Variants in NUDCD3 observed in about 807,000 individuals in gnomAD.
The protein encoded by NUDCD3 is NudC domain containing 3.
Under a neutral mutation model 39.7 loss-of-function variants are expected in NUDCD3, and 13 were observed. That is an observed-to-expected ratio of 0.33 (90% confidence interval 0.21 to 0.52). The LOEUF (loss-of-function observed/expected upper bound fraction) is 0.52, where lower values mean the gene tolerates loss of function less well. Ranked by LOEUF, NUDCD3 falls within the 20% of genes least tolerant of loss-of-function variation. The pLI, the probability that NUDCD3 is intolerant of heterozygous loss-of-function variation, is 0.96. For synonymous variants in NUDCD3, 175 were observed against 172.4 expected, an observed-to-expected ratio of 1.02 and a Z score of -0.12; for missense variants, 453 against 458.1, an observed-to-expected ratio of 0.99 and a Z score of 0.10.
intron 5 of NUDCD3, among the ~76,000 whole-genome samples, chr7:44,388,021 T>C (rs1464104530): frequency 1.3e-5 from 2 of 152,244 alleles, no homozygotes; most frequent in East Asian, 3.9e-4. Context: ...AAAATTAAAT[T>C]AGGGAAAAGA....
chr7:44,441,991 T>C (rs1027943970), intron 2 of NUDCD3, among the ~76,000 whole-genome samples: 7 of 152,138 alleles, frequency 4.6e-5, no homozygotes, highest in Non-Finnish European at 8.8e-5. Flanking sequence ...CACTGTGCCC[T>C]TGGGTTCATA....
At chr7:44,437,801 C>A (rs918086382) in intron 2 of NUDCD3, among the ~76,000 whole-genome samples, 2 of 152,142 alleles carry the variant, frequency 1.3e-5, no homozygotes, top group Admixed American at 1.3e-4. Context: ...CACTAATACT[C>A]TGATAGATTT....
At chr7:44,434,301 T>G (rs1316931382) in intron 2 of NUDCD3, among the ~76,000 whole-genome samples, 1 of 152,154 alleles carries the variant, frequency 6.6e-6, no homozygotes, top group Non-Finnish European at 1.5e-5. Context: ...GCCTTGGTCT[T>G]GGCCTCTGCA....
intron 4 of NUDCD3, among the ~76,000 whole-genome samples, chr7:44,398,991 T>C (rs184245985): frequency 5.4e-4 from 83 of 152,316 alleles, no homozygotes; most frequent in South Asian, 2.5e-3. Context: ...GCTTGAAAAT[T>C]AGAAACAAAA....
chr7:44,448,656 G>A (rs191579004), intron 2 of NUDCD3, among the ~76,000 whole-genome samples: 36 of 152,160 alleles, frequency 2.4e-4, no homozygotes, highest in Non-Finnish European at 4.3e-4. Context: ...TTCCTGAGTC[G>A]CTGTTCTGCA....
intron 2 of NUDCD3, among the ~76,000 whole-genome samples, chr7:44,463,464 G>C (rs1326418243): frequency 6.6e-6 from 1 of 152,124 alleles, no homozygotes; most frequent in Non-Finnish European, 1.5e-5. Flanking sequence ...ATCCAGACAG[G>C]CTAACAGGAA....
intron 2 of NUDCD3, among the ~76,000 whole-genome samples, chr7:44,479,842 G>A (rs2116977369): frequency 6.6e-6 from 1 of 152,342 alleles, no homozygotes; most frequent in East Asian, 1.9e-4. Flanking sequence ...GACTTGGGGT[G>A]CAGCTAAAGG....
At chr7:44,400,124 G>C (rs1251557974) in intron 4 of NUDCD3, among the ~76,000 whole-genome samples, 1 of 152,236 alleles carries the variant, frequency 6.6e-6, no homozygotes, top group Non-Finnish European at 1.5e-5. Context: ...AGGATGGTGC[G>C]CATGCCAACT....
At chr7:44,391,580 CCACT>C (rs1798516261) in intron 5 of NUDCD3, among the ~76,000 whole-genome samples, 1 of 152,154 alleles carries the variant, frequency 6.6e-6, no homozygotes, top group Admixed American at 6.5e-5. Flanking sequence ...TGACCCCTCC[CCACT>C]GACTCAAGGC....
intron 4 of NUDCD3, among the ~76,000 whole-genome samples, chr7:44,400,548 A>G (rs1301367157): frequency 6.6e-6 from 1 of 152,204 alleles, no homozygotes; most frequent in Non-Finnish European, 1.5e-5. Context: ...GGAGACCTGC[A>G]CTGGTGTCTG....
chr7:44,442,262 T>C (rs913129315), intron 2 of NUDCD3, among the ~76,000 whole-genome samples: 5 of 151,902 alleles, frequency 3.3e-5, no homozygotes, highest in African/African-American at 1.2e-4. Flanking sequence ...TAAAACAGAG[T>C]TCAGAATTTA....
chr7:44,485,410 G>T, intron 1 of NUDCD3, 126 bp from the exon 2 acceptor site: 1 of 791,902 alleles, frequency 1.3e-6, no homozygotes, highest in Non-Finnish European at 2.0e-6. Context: ...TTTTCCCACT[G>T]GCAAAATGGA....
chr7:44,414,314 A>G (rs575205120), intron 3 of NUDCD3, among the ~76,000 whole-genome samples: 1 of 152,276 alleles, frequency 6.6e-6, no homozygotes, highest in African/African-American at 2.4e-5. Context: ...CTTGAGCCAG[A>G]TGACCAGGGA....
intron 2 of NUDCD3, among the ~76,000 whole-genome samples, chr7:44,439,840 G>C (rs1313533563): frequency 6.6e-6 from 1 of 152,076 alleles, no homozygotes; most frequent in South Asian, 2.1e-4. Context: ...AGGAATGAGG[G>C]AAATAGGAAA....
chr7:44,489,639 T>C (rs1800690555), intron 1 of NUDCD3, among the ~76,000 whole-genome samples: 1 of 152,210 alleles, frequency 6.6e-6, no homozygotes, highest in Non-Finnish European at 1.5e-5. Context: ...CAACCATCAT[T>C]TCTATTTCCT....
intron 2 of NUDCD3, among the ~76,000 whole-genome samples, chr7:44,460,807 C>A (rs1256420334): frequency 6.6e-6 from 1 of 152,194 alleles, no homozygotes; most frequent in Middle Eastern, 3.2e-3. Flanking sequence ...CTAACCTATA[C>A]TAAATTTCAC....
chr7:44,417,314 G>C (rs1318603020), intron 3 of NUDCD3, among the ~76,000 whole-genome samples: 3 of 152,128 alleles, frequency 2.0e-5, no homozygotes, highest in Non-Finnish European at 2.9e-5. Flanking sequence ...TCATAACACG[G>C]TGCCGACCAC....
Position 44,458,491 on chromosome 7 carries a change from C to A in NUDCD3, c.509+26477G>T, listed in dbSNP as rs1799943595. ...CCTGACCAACATGGTGAAACCCCGT[C>A]TCTATTAAATACAAAAAATTAGCCA... On this transcript the variant is annotated intron_variant, in intron 2 of 5. Coordinates refer to ENST00000355451, the MANE Select transcript of NUDCD3 (RefSeq NM_015332.4). Among the ~76,000 whole-genome samples, 2 of 152,108 alleles carry A rather than the reference C, an allele frequency of 1.3e-5. 1 individual carries two copies. Among genetic ancestry groups the A allele is most frequent in the Non-Finnish European group, 2.9e-5 (2 of 68,024 alleles).
chr7:44,411,092 T>G (rs1174690870), intron 3 of NUDCD3, among the ~76,000 whole-genome samples: 1 of 152,238 alleles, frequency 6.6e-6, no homozygotes, highest in Non-Finnish European at 1.5e-5. Context: ...AGTATTCACA[T>G]GCAAAAGAAT....
Sources: allele counts gnomAD v4.1 joint callset (sites outside exome capture counted in the v4.1 genomes callset), GRCh38; gene constraint gnomAD v4.1.1; transcripts MANE v1.5; gene names NCBI Gene and HGNC (gene_info 2026-07-23, HGNC 2026-07-21).